The following MSI2 variants were observed in gnomAD, a reference collection of about 807,000 sequenced individuals.
The protein encoded by MSI2 is musashi RNA binding protein 2.
In MSI2, 17 loss-of-function variants were observed where a neutral mutation model predicts 45.6. That is an observed-to-expected ratio of 0.37 (90% CI 0.26 to 0.56). MSI2 has a LOEUF of 0.56. Among genes scored for constraint, MSI2 ranks in the 20% least tolerant of loss-of-function variants. The pLI is 0.77. For missense variants in MSI2, 293 were observed against 444.2 expected, an observed-to-expected ratio of 0.66 and a Z score of 3.06; for synonymous variants, 156 against 158.2, an observed-to-expected ratio of 0.99 and a Z score of 0.11.
chr17:57,560,450 C>G (rs966095747), intron 7 of MSI2, among the ~76,000 whole-genome samples: 2 of 152,202 alleles, frequency 1.3e-5, no homozygotes, highest in South Asian at 4.1e-4. Context: ...TGGACATTTT[C>G]AAAACTCTTC....
At chr17:57,359,968 C>T (rs1368987074) in intron 5 of MSI2, among the ~76,000 whole-genome samples, 1 of 152,216 alleles carries the variant, frequency 6.6e-6, no homozygotes, top group Non-Finnish European at 1.5e-5. Context: ...CCTGGCCCTC[C>T]ATCTTATCTC....
At chr17:57,495,202 G>C (rs76582755) in intron 6 of MSI2, among the ~76,000 whole-genome samples, 1 of 152,080 alleles carries the variant, frequency 6.6e-6, no homozygotes, top group African/African-American at 2.4e-5. Context: ...TGTCCAAACC[G>C]GGTCAAGAAC....
intron 6 of MSI2, among the ~76,000 whole-genome samples, chr17:57,473,194 A>T (rs902210131): frequency 6.6e-6 from 1 of 152,106 alleles, no homozygotes; most frequent in African/African-American, 2.4e-5. Context: ...CTGGCCTTCC[A>T]CTTTTCTTTA....
At chr17:57,375,016 C>T (rs1419532606) in intron 5 of MSI2, among the ~76,000 whole-genome samples, 1 of 152,156 alleles carries the variant, frequency 6.6e-6, no homozygotes, top group South Asian at 2.1e-4. Context: ...TTTGCTCTTC[C>T]TGGTCATTGC....
intron 5 of MSI2, among the ~76,000 whole-genome samples, chr17:57,271,744 C>CTTTT (rs60803369): frequency 0.016 from 1,681 of 107,528 alleles, 23 homozygotes; most frequent in Non-Finnish European, 0.024. Context: ...CCACTGCAAT[C>CTTTT]TTTTTTTTTT....
chr17:57,489,493 T>C (rs145561899), intron 6 of MSI2, among the ~76,000 whole-genome samples: 46 of 152,254 alleles, frequency 3.0e-4, no homozygotes, highest in African/African-American at 1.1e-3. Flanking sequence ...CCATGAGCTT[T>C]GGAATTCCAG....
At chr17:57,587,999 G>A (rs1904468843) in intron 7 of MSI2, among the ~76,000 whole-genome samples, 2 of 152,138 alleles carry the variant, frequency 1.3e-5, no homozygotes, top group East Asian at 1.9e-4. Context: ...GTGCATGAAG[G>A]ATGCCACAGT....
At chr17:57,408,480 C>T (rs925926942) in intron 6 of MSI2, among the ~76,000 whole-genome samples, 8 of 152,186 alleles carry the variant, frequency 5.3e-5, no homozygotes, top group Admixed American at 4.6e-4. Context: ...GCTGTTTGAC[C>T]GCATTTCCTG....
intron 7 of MSI2, among the ~76,000 whole-genome samples, chr17:57,543,544 C>T (rs869855): frequency 0.34 from 51,260 of 152,038 alleles, 9,733 homozygotes; most frequent in East Asian, 0.58. Flanking sequence ...TAAATTTCCT[C>T]CCCACTTCCA....
intron 5 of MSI2, among the ~76,000 whole-genome samples, chr17:57,389,639 G>A (rs1426868632): frequency 1.3e-5 from 2 of 152,240 alleles, no homozygotes; most frequent in East Asian, 1.9e-4. Flanking sequence ...GGTTTGATGA[G>A]AGAGTGGATT....
intron 5 of MSI2, among the ~76,000 whole-genome samples, chr17:57,344,207 T>A (rs534367515): frequency 1.3e-5 from 2 of 152,218 alleles, no homozygotes; most frequent in Admixed American, 6.5e-5. Context: ...ACTTGGCCCT[T>A]GGCATCTGCG....
chr17:57,524,524 T>A (rs2086658308), intron 6 of MSI2, among the ~76,000 whole-genome samples: 1 of 152,268 alleles, frequency 6.6e-6, no homozygotes. Flanking sequence ...AGACATGAGT[T>A]TATCTGTTAG....
intron 6 of MSI2, among the ~76,000 whole-genome samples, chr17:57,458,099 CTTTTT>C (rs545653222): frequency 1.5e-5 from 2 of 134,040 alleles, no homozygotes; most frequent in Non-Finnish European, 1.6e-5. Flanking sequence ...ATATATATAC[CTTTTT>C]TTTTTTTTTT....
At chr17:57,361,958 A>G (rs1341225869) in intron 5 of MSI2, among the ~76,000 whole-genome samples, 2 of 152,244 alleles carry the variant, frequency 1.3e-5, no homozygotes, top group African/African-American at 4.8e-5. Flanking sequence ...ACATATTTCT[A>G]CAAATTATTT....
At chr17:57,573,335 C>A (rs896604176) in intron 7 of MSI2, among the ~76,000 whole-genome samples, 2 of 37,316 alleles carry the variant, frequency 5.4e-5, no homozygotes, top group East Asian at 1.1e-3. Context: ...GTGCTCTGTG[C>A]CAAGTGCCCT....
In MSI2 at chr17:57,273,480, T is replaced by C. The variant is rs75324884; in HGVS notation, c.312+11288T>C. On this transcript the variant is annotated intron_variant, in intron 5 of 13. Coordinates refer to ENST00000284073, the MANE Select transcript of MSI2 (RefSeq NM_138962.4). ...TTAAAAATGATTTTTTTTTTTTTTT[T>C]TCTTTTACTGGATTCACACAACTGC... Among the ~76,000 whole-genome samples, 87 of 140,138 alleles carry C rather than the reference T, an allele frequency of 6.2e-4. 1 individual carries two copies. Among genetic ancestry groups the C allele is most frequent in the Middle Eastern group, 3.5e-3 (1 of 284 alleles). 91.9% of individuals were successfully genotyped at this position (140,138 alleles called of 152,430 possible). A position where few individuals can be genotyped will look rare whatever the true frequency, so the allele number is the denominator to read the frequency against.
intron 10 of MSI2, among the ~76,000 whole-genome samples, chr17:57,642,416 A>C (rs1910327778): frequency 6.6e-6 from 1 of 152,206 alleles, no homozygotes; most frequent in African/African-American, 2.4e-5. Context: ...TGGTGTAGCC[A>C]CGCCCAGGTC....
At chr17:57,435,296 G>A (rs2084671865) in intron 6 of MSI2, among the ~76,000 whole-genome samples, 1 of 152,176 alleles carries the variant, frequency 6.6e-6, no homozygotes, top group African/African-American at 2.4e-5. Context: ...GCCCTGTGAC[G>A]GGACAGAATT....
chr17:57,519,853 C>G (rs1307388356), intron 6 of MSI2, among the ~76,000 whole-genome samples: 1 of 152,004 alleles, frequency 6.6e-6, no homozygotes, highest in East Asian at 1.9e-4. Flanking sequence ...TGATCCTAGG[C>G]AAGTCACTTA....
Sources: allele counts gnomAD v4.1 joint callset (sites outside exome capture counted in the v4.1 genomes callset), GRCh38; gene constraint gnomAD v4.1.1; transcripts MANE v1.5; gene names NCBI Gene and HGNC (gene_info 2026-07-23, HGNC 2026-07-21).